P2RY14: variants seen among roughly 807,000 people sequenced by gnomAD.
P2RY14 encodes purinergic receptor P2Y14, also known as P2Y purinoceptor 14.
A neutral mutation model predicts 0.9 loss-of-function variants in P2RY14; 2 were observed. The ratio of observed to expected loss-of-function variants is 2.16; its 90% CI spans 0.88 to 6.79. P2RY14 has a LOEUF of 6.79. Ranked by LOEUF, P2RY14 falls within the 30% of genes most tolerant of loss-of-function variation. The pLI is 0.05. For synonymous variants in P2RY14, 158 were observed against 147.2 expected (o/e 1.07, Z -0.53); for missense variants, 378 against 400.1 (o/e 0.94, Z 0.47).
At chr3:151,239,724 G>A (rs956099123) in intron 1 of P2RY14, among the ~76,000 whole-genome samples, 4 of 152,124 alleles carry the variant, frequency 2.6e-5, no homozygotes, top group African/African-American at 9.6e-5. Context: ...GAGAATTCTT[G>A]GCTAAAATAC....
At chr3:151,225,173 A>G (rs950269139) in intron 1 of P2RY14, among the ~76,000 whole-genome samples, 3 of 152,120 alleles carry the variant, frequency 2.0e-5, no homozygotes, top group Admixed American at 6.5e-5. Flanking sequence ...TTTCTAAGTC[A>G]TAGACCTGTC....
At chr3:151,228,423 A>G (rs2149308698) in intron 1 of P2RY14, among the ~76,000 whole-genome samples, 1 of 152,268 alleles carries the variant, frequency 6.6e-6, no homozygotes, top group African/African-American at 2.4e-5. Context: ...GACTCAGCTG[A>G]TAACAGAATA....
In P2RY14 at chr3:151,214,226, TA is replaced by T; in HGVS notation, c.90del (p.Cys30Ter). 1 of 1,613,978 alleles carries T rather than the reference TA, an allele frequency of 6.2e-7. No homozygotes were observed. Among genetic ancestry groups the T allele is most frequent in the South Asian group, 1.1e-5 (1 of 91,058 alleles). On this transcript the variant is annotated frameshift_variant, in exon 3 of 3. Coordinates refer to ENST00000309170, the MANE Select transcript of P2RY14 (RefSeq NM_014879.4). LOFTEE classifies it low-confidence loss of function (END_TRUNC). ...AGTAGGATTCCTGCAATGAAGACCA[TA>T]CAGTACAGCACAGGAATGATCTGCT... ...ITQQIIPVLY[C>X]MVFIAGILLN... is the part of the protein sequence containing the mutation.
chr3:151,239,089 T>G (rs976811428), intron 1 of P2RY14, among the ~76,000 whole-genome samples: 4 of 152,202 alleles, frequency 2.6e-5, no homozygotes, highest in Non-Finnish European at 5.9e-5. Flanking sequence ...ATTGACACTG[T>G]GAGGAGGGGC....
At chr3:151,225,648 C>T (rs542766151) in intron 1 of P2RY14, among the ~76,000 whole-genome samples, 16 of 152,232 alleles carry the variant, frequency 1.1e-4, no homozygotes, top group African/African-American at 3.4e-4. Flanking sequence ...CTGTCTCATC[C>T]GTGTTCTGCA....
At chr3:151,217,894 T>C (rs941788029) in intron 2 of P2RY14, among the ~76,000 whole-genome samples, 4 of 152,164 alleles carry the variant, frequency 2.6e-5, no homozygotes, top group Non-Finnish European at 5.9e-5. Context: ...AGTAATAGAC[T>C]GAGAGATGTG....
chr3:151,253,999 G>GTTTTT (rs11453294), intron 1 of P2RY14, among the ~76,000 whole-genome samples: 2 of 136,906 alleles, frequency 1.5e-5, no homozygotes, highest in African/African-American at 2.7e-5. Context: ...ATTTTTTCTT[G>GTTTTT]TTTTTTTTTT....
At chr3:151,275,510 A>C (rs1016608970) in intron 1 of P2RY14, among the ~76,000 whole-genome samples, 2 of 152,232 alleles carry the variant, frequency 1.3e-5, no homozygotes, top group African/African-American at 4.8e-5. Flanking sequence ...AAAGGAATCT[A>C]ATCAGATCTA....
At chr3:151,230,119 G>A (rs1480775846) in intron 1 of P2RY14, among the ~76,000 whole-genome samples, 3 of 151,970 alleles carry the variant, frequency 2.0e-5, no homozygotes, top group African/African-American at 7.3e-5. Flanking sequence ...ACAGGTGCCC[G>A]CCACCACGCC....
At chr3:151,247,806 G>T (rs868826456) in intron 1 of P2RY14, among the ~76,000 whole-genome samples, 1 of 151,476 alleles carries the variant, frequency 6.6e-6, no homozygotes, top group Non-Finnish European at 1.5e-5. Context: ...TTAAGAAGTT[G>T]CATTTTCTCC....
rs1310821990 is a variant in P2RY14, at chr3:151,214,240, G to A, written c.77C>T (p.Pro26Leu). 1.2e-6 allele frequency: 2 copies of A among 1,613,836 alleles called. No individual in the cohort carries two copies. The highest frequency in any genetic ancestry group is 2.7e-5 in the African/African-American group (2 of 74,914). Residue 26 changes from proline (P) to leucine (L), a missense_variant, in exon 3 of 3, where the codon CCT becomes CTT. Transcript: ENST00000309170. ...AATGAAGACCATACAGTACAGCACAGGAATGATCTGCTGAGTGATCAGGAG... is the reference window on the plus strand; with the variant it reads ...AATGAAGACCATACAGTACAGCACAAGAATGATCTGCTGAGTGATCAGGAG... ...QNLLITQQIIPVLYCMVFIAG... is the reference protein window; with the variant it reads ...QNLLITQQIILVLYCMVFIAG...
At position 151,212,459 on chromosome 3, in the gene P2RY14, T is replaced by TA. The variant is rs1317088473; in HGVS notation, c.*840dup. The TA allele has an allele frequency of 6.6e-6, 1 of 152,216 alleles. No individual in the cohort carries two copies. The highest frequency in any genetic ancestry group is 1.5e-5 in the Non-Finnish European group (1 of 68,044). 9.4% of individuals were successfully genotyped at this position (152,216 alleles called of 1,614,324 possible). On this transcript the variant is annotated 3_prime_UTR_variant, in exon 3 of 3. Transcript: ENST00000309170. ...TTTCCCATTCGCCAGTAGATTAATA[T>TA]ATGTTCTACGGTGTGGGTGTGTCTT...
At chr3:151,263,419 G>C (rs1364126006) in intron 1 of P2RY14, among the ~76,000 whole-genome samples, 1 of 152,212 alleles carries the variant, frequency 6.6e-6, no homozygotes, top group Non-Finnish European at 1.5e-5. Flanking sequence ...TGCTATCATA[G>C]TGAAGGCTGA....
chr3:151,214,315 ATCT>A lies in P2RY14; in HGVS notation c.-2_1del. 1 of 1,611,568 alleles carries A rather than the reference ATCT, an allele frequency of 6.2e-7. No homozygotes were observed. The highest frequency in any genetic ancestry group is 1.1e-5 in the South Asian group (1 of 90,800). ...AGGCTGTGTGGAGGTTGAATTGATC[ATCT>A]TGTAACTTCTGAAGGCAGAGGCCTG... On this transcript the variant is annotated start_lost and start_retained_variant and 5_prime_UTR_variant, in exon 3 of 3. Transcript: ENST00000309170.
intron 1 of P2RY14, chr3:151,248,859 A>G (rs1240697323): frequency 6.6e-6 from 1 of 152,142 alleles, no homozygotes; most frequent in Non-Finnish European, 1.5e-5. Context: ...GAATTTTCTT[A>G]CTTACCAATT....
Position 151,214,382 on chromosome 3 carries a change from G to A in P2RY14, c.-24-42C>T, listed in dbSNP as rs1727783172. ...ACTGGTCACTCATAGGGCACTTATGGCCTCCAAGACATTTGCTGAGTAATA... is the reference window on the plus strand; with the variant it reads ...ACTGGTCACTCATAGGGCACTTATGACCTCCAAGACATTTGCTGAGTAATA... On this transcript the variant is annotated intron_variant, in intron 2 of 2. Transcript: ENST00000309170. The A allele has an allele frequency of 3.7e-6, 5 of 1,339,982 alleles. No individual in the cohort carries two copies. In the East Asian group the frequency reaches 1.1e-4, roughly 31 times the overall value. The allele number at this position is 1,339,982 out of a possible 1,614,324, so 83.0% of individuals were successfully genotyped here.
chr3:151,240,086 C>G (rs1488892894), intron 1 of P2RY14, among the ~76,000 whole-genome samples: 1 of 151,584 alleles, frequency 6.6e-6, no homozygotes, highest in East Asian at 1.9e-4. Context: ...GTGGGTCTCA[C>G]AGCCCCTGAC....
chr3:151,213,470 G>A lies in P2RY14; in HGVS notation c.847C>T (p.Leu283=). Residue 283 remains leucine, a synonymous_variant, in exon 3 of 3, where the codon CTA becomes TTA. Transcript: ENST00000309170. ...TCCAAGCATACATTTGCAGCAGATA[G>A]TAGCAGAGTGAATTCTTTCATATAC... ...LRYMKEFTLL[L]SAANVCLDPI... is the part of the protein sequence containing the mutation. 1.2e-6 allele frequency: 2 copies of A among 1,614,190 alleles called. No homozygotes were observed. Among genetic ancestry groups the A allele is most frequent in the African/African-American group, 1.3e-5 (1 of 75,056 alleles).
intron 1 of P2RY14, among the ~76,000 whole-genome samples, chr3:151,275,269 C>G (rs1001477670): frequency 2.0e-5 from 3 of 152,114 alleles, no homozygotes; most frequent in Non-Finnish European, 4.4e-5. Flanking sequence ...ACCTCAGAAG[C>G]CAACTAACTG....
Sources: allele counts gnomAD v4.1 joint callset (sites outside exome capture counted in the v4.1 genomes callset), GRCh38; gene constraint gnomAD v4.1.1; transcripts MANE v1.5; gene names NCBI Gene and HGNC (gene_info 2026-07-23, HGNC 2026-07-21).